Variants in MAST4 observed in about 807,000 individuals in gnomAD.
MAST4 encodes the protein microtubule associated serine/threonine kinase family member 4.
In MAST4, 89 loss-of-function variants were observed where a neutral mutation model predicts 162.7. The ratio of observed to expected loss-of-function variants is 0.55; its 90% confidence interval spans 0.46 to 0.65. MAST4 has a LOEUF of 0.65. MAST4 is among the 30% of genes least tolerant of loss of function. The pLI is 0.00. For missense variants in MAST4, 3,153 were observed against 3,374.0 expected (o/e 0.93, Z 1.62); for synonymous variants, 1,479 against 1,361.1 (o/e 1.09, Z -1.91).
At chr5:66,824,802 A>G (rs1414567177) in intron 3 of MAST4, among the ~76,000 whole-genome samples, 1 of 152,238 alleles carries the variant, frequency 6.6e-6, no homozygotes, top group Admixed American at 6.5e-5. Flanking sequence ...CTGAATACGT[A>G]GTCATTTGCA....
intron 4 of MAST4, among the ~76,000 whole-genome samples, chr5:66,951,596 A>ATGTGTGTG (rs1491469801): frequency 5.2e-5 from 6 of 114,758 alleles, no homozygotes; most frequent in East Asian, 2.6e-4. Context: ...GCCTCCCATG[A>ATGTGTGTG]TATGTGTGTG....
At chr5:66,736,842 T>C (rs1752183689) in intron 1 of MAST4, among the ~76,000 whole-genome samples, 1 of 152,198 alleles carries the variant, frequency 6.6e-6, no homozygotes, top group African/African-American at 2.4e-5. Flanking sequence ...AGGGTACTAC[T>C]CTTGTACACT....
intron 4 of MAST4, among the ~76,000 whole-genome samples, chr5:66,986,045 C>T (rs1426544872): frequency 6.6e-6 from 1 of 152,170 alleles, no homozygotes; most frequent in Non-Finnish European, 1.5e-5. Flanking sequence ...CATGACCTTC[C>T]CTCAAGGAAA....
chr5:66,644,488 G>A (rs1190035538), intron 1 of MAST4, among the ~76,000 whole-genome samples: 4 of 152,056 alleles, frequency 2.6e-5, no homozygotes, highest in Admixed American at 6.6e-5. Context: ...AATCTCTTTG[G>A]CTCAGCTTAG....
chr5:66,740,046 G>A (rs953339589), intron 1 of MAST4, among the ~76,000 whole-genome samples: 3 of 152,166 alleles, frequency 2.0e-5, no homozygotes, highest in Non-Finnish European at 2.9e-5. Flanking sequence ...TCATCAAGAG[G>A]CATAACTGCC....
chr5:67,095,811 C>G, intron 7 of MAST4, 136 bp downstream of exon 7: 1 of 556,110 alleles, frequency 1.8e-6, no homozygotes, highest in Non-Finnish European at 3.0e-6. Flanking sequence ...GAATAAGTGA[C>G]ACATCAAATG....
At chr5:67,010,526 TCAGG>T (rs1752544109) in intron 4 of MAST4, among the ~76,000 whole-genome samples, 1 of 152,178 alleles carries the variant, frequency 6.6e-6, no homozygotes. Context: ...TCCAGGGCAC[TCAGG>T]CAGGCTGTGC....
intron 2 of MAST4, among the ~76,000 whole-genome samples, chr5:66,771,186 CTTTT>C (rs536857710): frequency 6.9e-6 from 1 of 145,436 alleles, no homozygotes; most frequent in African/African-American, 2.5e-5. Flanking sequence ...TCTTTTCTTT[CTTTT>C]TTTTTTTTAT....
chr5:66,658,006 C>T (rs1746662231), intron 1 of MAST4, among the ~76,000 whole-genome samples: 1 of 152,102 alleles, frequency 6.6e-6, no homozygotes, highest in South Asian at 2.1e-4. Flanking sequence ...TTAGTGTACG[C>T]ATGTATATAT....
chr5:66,982,169 G>C (rs1214140837), intron 4 of MAST4, among the ~76,000 whole-genome samples: 4 of 152,146 alleles, frequency 2.6e-5, no homozygotes, highest in African/African-American at 9.7e-5. Context: ...CTGTATAATG[G>C]CCTTGCACAT....
chr5:67,071,537 A>G (rs1387770062), intron 5 of MAST4, among the ~76,000 whole-genome samples: 3 of 152,126 alleles, frequency 2.0e-5, no homozygotes, highest in Non-Finnish European at 2.9e-5. Context: ...GGCGGGGTGT[A>G]TCACCTGAGG....
At chr5:66,810,384 G>A (rs988738523) in intron 3 of MAST4, among the ~76,000 whole-genome samples, 5 of 152,146 alleles carry the variant, frequency 3.3e-5, no homozygotes, top group Non-Finnish European at 7.3e-5. Context: ...CTATCTTTAT[G>A]TCACTTCCAA....
At chr5:67,064,034 AGTT>A (rs1350629489) in intron 5 of MAST4, among the ~76,000 whole-genome samples, 9 of 152,192 alleles carry the variant, frequency 5.9e-5, no homozygotes, top group Middle Eastern at 3.2e-3. Flanking sequence ...GTAAATAGGC[AGTT>A]GTTGTTACAT....
At chr5:66,838,226 G>T (rs1350051468) in intron 3 of MAST4, among the ~76,000 whole-genome samples, 2 of 152,044 alleles carry the variant, frequency 1.3e-5, no homozygotes, top group Non-Finnish European at 2.9e-5. Flanking sequence ...CCTAATGCTA[G>T]AGACAATAAT....
intron 5 of MAST4, among the ~76,000 whole-genome samples, chr5:67,056,448 C>G (rs1445525295): frequency 6.6e-6 from 1 of 152,142 alleles, no homozygotes; most frequent in East Asian, 1.9e-4. Flanking sequence ...AGATTTTAAT[C>G]TCGCTCCTCT....
Position 67,129,526 on chromosome 5 carries a change from C to A in MAST4, c.1746-684C>A, listed in dbSNP as rs546536138. On this transcript the variant is annotated intron_variant, in intron 14 of 28. Coordinates refer to ENST00000403625, the MANE Select transcript of MAST4 (RefSeq NM_001164664.2). The stretch of plus-strand genomic sequence containing the variant: ...CTTGAGGTCAGGAGTTCGAGACCAG[C>A]CTGGCCAACATGGTGAAACTCTGTC... Among the ~76,000 whole-genome samples, 32 of 151,978 alleles carry A rather than the reference C, an allele frequency of 2.1e-4. No homozygotes were observed. In the East Asian group the frequency reaches 5.8e-3, roughly 28 times the overall value.
chr5:67,094,261 A>C (rs1764184516), intron 6 of MAST4: 3 of 742,806 alleles, frequency 4.0e-6, no homozygotes, highest in Non-Finnish European at 6.3e-6. Context: ...CATTTATTGG[A>C]GGTTACACCC....
rs1333027786 is a variant in MAST4 at position 67,164,393 on chromosome 5, C to T, written c.5214C>T (p.Ser1738=). The T allele has an allele frequency of 4.3e-6, 7 of 1,614,046 alleles. No individual in the cohort carries two copies. The highest frequency in any genetic ancestry group is 5.9e-6 in the Non-Finnish European group (7 of 1,179,896). ...GQQEPPPASE[S]RAFVSSTHAA... ...AGGAGCCCCCGCCGGCTTCTGAGAG[C>T]CGAGCTTTTGTCAGCAGCACCCATG... The change falls in exon 29 of 29, where the codon AGC becomes AGT. Residue 1738 remains serine, a synonymous_variant. Transcript: ENST00000403625. This position sits in a 1 kb window ranked among gnomAD's most constrained non-coding sequence, Gnocchi z 5.3.
At chr5:66,689,337 CCG>C (rs895794834) in intron 1 of MAST4, among the ~76,000 whole-genome samples, 4 of 152,092 alleles carry the variant, frequency 2.6e-5, no homozygotes, top group Non-Finnish European at 4.4e-5. Flanking sequence ...GTCCCCTAAT[CCG>C]AGTTTCTTCA....
Sources: gnomAD v4.1 joint callset for allele counts (sites outside exome capture counted in the v4.1 genomes callset) on GRCh38, gnomAD v4.1.1 for gene constraint, Gnocchi (gnomAD v3.1) non-coding constraint, MANE v1.5 for transcripts, NCBI Gene and HGNC (gene_info 2026-07-23, HGNC 2026-07-21) for gene names.